The following ARID5B variants were observed in gnomAD, a reference collection of about 807,000 sequenced individuals.
ARID5B encodes the protein AT-rich interactive domain-containing protein 5B.
A neutral mutation model predicts 97.2 loss-of-function variants in ARID5B; 13 were observed. The observed-to-expected ratio is 0.13, with a 90% CI of 0.09 to 0.21. The LOEUF (loss-of-function observed/expected upper bound fraction) is 0.21. Among genes scored for constraint, ARID5B ranks in the 10% least tolerant of loss-of-function variants. The pLI is 1.00. For synonymous variants in ARID5B, 556 were observed against 570.3 expected, an observed-to-expected ratio of 0.97 and a Z score of 0.36; for missense variants, 1,210 against 1,465.3, an observed-to-expected ratio of 0.83 and a Z score of 2.84.
At chr10:62,027,108 C>T (rs1250988147) in intron 4 of ARID5B, among the ~76,000 whole-genome samples, 1 of 151,882 alleles carries the variant, frequency 6.6e-6, no homozygotes, top group Non-Finnish European at 1.5e-5. Flanking sequence ...CTCCATGATA[C>T]AAAAGGAAAC....
At chr10:61,985,993 A>G (rs1838841902) in intron 3 of ARID5B, among the ~76,000 whole-genome samples, 1 of 152,140 alleles carries the variant, frequency 6.6e-6, no homozygotes, top group Admixed American at 6.5e-5. Context: ...TAATACTGCA[A>G]TCTGAAACCA....
chr10:62,083,313 G>GA (rs35831175), intron 8 of ARID5B, among the ~76,000 whole-genome samples: 73,000 of 128,566 alleles, frequency 0.57, 20,974 homozygotes, highest in Non-Finnish European at 0.66. Flanking sequence ...AAGAAAAAAT[G>GA]AAAAAAAAAA....
chr10:61,970,667 T>G (rs1838614236), intron 3 of ARID5B, among the ~76,000 whole-genome samples: 2 of 152,184 alleles, frequency 1.3e-5, no homozygotes, highest in African/African-American at 4.8e-5. Flanking sequence ...AACAGGAAAC[T>G]GTTAGGTCTT....
intron 2 of ARID5B, among the ~76,000 whole-genome samples, chr10:61,930,596 T>C (rs1844188416): frequency 6.6e-6 from 1 of 151,908 alleles, no homozygotes; most frequent in South Asian, 2.1e-4. Flanking sequence ...GGCGGGCACC[T>C]GTAGTCCCAG....
At chr10:61,961,201 A>C (rs1838465852) in intron 3 of ARID5B, among the ~76,000 whole-genome samples, 1 of 152,228 alleles carries the variant, frequency 6.6e-6, no homozygotes, top group Non-Finnish European at 1.5e-5. Flanking sequence ...TTTTAATTTA[A>C]AGAACTTTAA....
In ARID5B at chr10:62,091,975, C is replaced by T. The variant is rs1377304813; in HGVS notation, c.2512C>T (p.His838Tyr). 1.9e-6 allele frequency: 3 copies of T among 1,613,864 alleles called. No individual in the cohort carries two copies. The highest frequency in any genetic ancestry group is 3.3e-5 in the Admixed American group (2 of 59,978). ...LADFYSSPHL[H>Y]SLYRHTEHHL... is the part of the protein sequence containing the mutation. ...TGACTTCTACTCGTCCCCTCATCTC[C>T]ATAGCCTCTACAGACACACCGAGCA... Residue 838 changes from histidine (H) to tyrosine (Y), a missense_variant, in exon 10 of 10, where the codon CAT (histidine) becomes TAT (tyrosine). Physicochemically the swap from His to Tyr is moderately conservative, Grantham distance 83. Coordinates refer to ENST00000279873, the MANE Select transcript of ARID5B (RefSeq NM_032199.3).
rs537798059 is a variant in ARID5B at position 62,092,421 on chromosome 10, C to T, written c.2958C>T (p.Phe986=). 994 of 1,614,198 alleles carry T rather than the reference C, an allele frequency of 6.2e-4. 21 individuals are homozygous for T. The South Asian group carries it at 0.011, about 17-fold the overall frequency. ...CTCACCATGTGAGACTGGAGAATTT[C>T]AGGAAGATGGAAGGCATGGTCCACC... is the stretch of plus-strand genomic sequence containing the variant. ...GKPHHVRLEN[F]RKMEGMVHPI... is the part of the protein sequence containing the mutation. The change falls in exon 10 of 10, where the codon TTC becomes TTT. Residue 986 remains phenylalanine (F), a synonymous_variant. Coordinates refer to ENST00000279873, the MANE Select transcript of ARID5B (RefSeq NM_032199.3).
At chr10:62,015,362 G>C (rs1839270053) in intron 4 of ARID5B, among the ~76,000 whole-genome samples, 1 of 152,210 alleles carries the variant, frequency 6.6e-6, no homozygotes, top group Admixed American at 6.5e-5. Context: ...CTTCAACACA[G>C]CTGCTTTAGT....
In ARID5B at chr10:62,057,134, G is replaced by C; in HGVS notation, c.864G>C (p.Arg288Ser). 1 of 1,613,574 alleles carries C rather than the reference G, an allele frequency of 6.2e-7. No homozygotes were observed. The highest frequency in any genetic ancestry group is 8.5e-7 in the Non-Finnish European group (1 of 1,179,732). Residue 288 changes from arginine (R) to serine (S), a missense_variant, in exon 6 of 10, where the codon AGG becomes AGC. Coordinates refer to ENST00000279873, the MANE Select transcript of ARID5B (RefSeq NM_032199.3). ...TTTTCCAGGTGAAATGTGAGGCCAG[G>C]TCAGCCTTGACCAAGCCGAAGAATA... is the stretch of plus-strand genomic sequence containing the variant. ...KAVAKVKCEA[R>S]SALTKPKNNH...
intron 4 of ARID5B, among the ~76,000 whole-genome samples, chr10:62,042,767 T>C (rs1002816582): frequency 4.0e-5 from 6 of 151,628 alleles, no homozygotes; most frequent in Non-Finnish European, 8.8e-5. Flanking sequence ...AAAAAAAAAT[T>C]AGCTGGGCTT....
chr10:61,907,316 G>T (rs1397976134), intron 2 of ARID5B, among the ~76,000 whole-genome samples: 1 of 152,168 alleles, frequency 6.6e-6, no homozygotes, highest in Non-Finnish European at 1.5e-5. Context: ...TGCTGGATTA[G>T]TCTTGCTCTT....
At position 62,092,403 on chromosome 10, in the gene ARID5B, T is replaced by G. The variant is rs567434039; in HGVS notation, c.2940T>G (p.His980Gln). The G allele has an allele frequency of 6.8e-5, 110 of 1,614,164 alleles. 2 individuals carry two copies. The South Asian group carries it at 1.1e-3, about 17-fold the overall frequency. ...ESLSRSGKPH[H>Q]VRLENFRKME... ...TTTCAAGATCAGGAAAACCTCACCA[T>G]GTGAGACTGGAGAATTTCAGGAAGA... Residue 980 changes from histidine to glutamine, a missense_variant, in exon 10 of 10, where the codon CAT (histidine) becomes CAG (glutamine). Coordinates refer to ENST00000279873, the MANE Select transcript of ARID5B (RefSeq NM_032199.3).
intron 3 of ARID5B, among the ~76,000 whole-genome samples, chr10:61,958,564 AT>A (rs1226792989): frequency 6.6e-6 from 1 of 152,132 alleles, no homozygotes; most frequent in South Asian, 2.1e-4. Context: ...CATACACATG[AT>A]TGTTGAATGA....
intron 4 of ARID5B, among the ~76,000 whole-genome samples, chr10:62,050,061 T>C (rs1417991094): frequency 6.6e-6 from 1 of 152,162 alleles, no homozygotes; most frequent in Non-Finnish European, 1.5e-5. Flanking sequence ...ACAGCAGCCT[T>C]TTCCCCCTAC....
chr10:62,047,632 G>C (rs1213585143), intron 4 of ARID5B, among the ~76,000 whole-genome samples: 1 of 152,126 alleles, frequency 6.6e-6, no homozygotes, highest in East Asian at 1.9e-4. Flanking sequence ...GAGAGGGCAG[G>C]TGTAGGTCCT....
At chr10:62,087,374 T>G (rs1024368294) in intron 9 of ARID5B, among the ~76,000 whole-genome samples, 2 of 150,896 alleles carry the variant, frequency 1.3e-5, no homozygotes, top group African/African-American at 4.9e-5. Context: ...ATGGTTCCTA[T>G]GAAACCATTA....
At chr10:62,045,016 G>T (rs943525141) in intron 4 of ARID5B, among the ~76,000 whole-genome samples, 8 of 152,162 alleles carry the variant, frequency 5.3e-5, no homozygotes, top group Non-Finnish European at 1.2e-4. Context: ...AATACCAATG[G>T]TCACTATATG....
intron 8 of ARID5B, among the ~76,000 whole-genome samples, chr10:62,070,131 A>G (rs953998431): frequency 6.6e-6 from 1 of 152,048 alleles, no homozygotes; most frequent in African/African-American, 2.4e-5. Flanking sequence ...AAAATCTGCA[A>G]TGCTACTCTG....
intron 4 of ARID5B, among the ~76,000 whole-genome samples, chr10:62,014,066 G>C (rs1264428103): frequency 6.6e-6 from 1 of 151,992 alleles, no homozygotes; most frequent in African/African-American, 2.4e-5. Context: ...AGTGAACATG[G>C]GAGTGCAGAT....
Sources: gnomAD v4.1 joint callset for allele counts (sites outside exome capture counted in the v4.1 genomes callset) on GRCh38, gnomAD v4.1.1 for gene constraint, MANE v1.5 for transcripts, NCBI Gene and HGNC (gene_info 2026-07-23, HGNC 2026-07-21) for gene names.